The following KCNG3 variants were observed in gnomAD, a reference collection of about 807,000 sequenced individuals.
KCNG3 encodes the protein voltage-gated potassium channel regulatory subunit KCNG3.
A neutral mutation model predicts 29.0 loss-of-function variants in KCNG3; 15 were observed. That is an observed-to-expected ratio of 0.52 (90% confidence interval 0.35 to 0.80). KCNG3 has a LOEUF of 0.80. KCNG3 is among the 30% of genes least tolerant of loss of function. The pLI is 0.01. For synonymous variants in KCNG3, 322 were observed against 248.9 expected (o/e 1.29, Z -2.76); for missense variants, 512 against 605.7 (o/e 0.85, Z 1.62).
At chr2:42,479,824 A>C (rs1049920064) in intron 1 of KCNG3, among the ~76,000 whole-genome samples, 5 of 152,148 alleles carry the variant, frequency 3.3e-5, no homozygotes, top group South Asian at 2.1e-4. Context: ...CTGCCTGGGC[A>C]ACATGGTGAA....
At chr2:42,479,398 C>T (rs1053921408) in intron 1 of KCNG3, among the ~76,000 whole-genome samples, 1 of 152,150 alleles carries the variant, frequency 6.6e-6, no homozygotes, top group Non-Finnish European at 1.5e-5. Flanking sequence ...AATCCCAACA[C>T]TTTGGGAGGC....
chr2:42,459,361 G>C (rs546836293), intron 1 of KCNG3, among the ~76,000 whole-genome samples: 1 of 152,262 alleles, frequency 6.6e-6, no homozygotes, highest in Admixed American at 6.5e-5. Flanking sequence ...AAATCTCAGA[G>C]TGTGGGCATT....
chr2:42,455,646 GTAGTCCCAGT>G (rs1672858860), intron 1 of KCNG3, among the ~76,000 whole-genome samples: 1 of 152,224 alleles, frequency 6.6e-6, no homozygotes, highest in African/African-American at 2.4e-5. Flanking sequence ...GCATGTGCCT[GTAGTCCCAGT>G]TACTTGGGAG....
intron 1 of KCNG3, among the ~76,000 whole-genome samples, chr2:42,473,980 C>A (rs558443176): frequency 5.3e-4 from 79 of 147,704 alleles, no homozygotes; most frequent in African/African-American, 1.9e-3. Flanking sequence ...GGTGAAACCC[C>A]GTCTCTACTA....
the KCNG3 span, among the ~76,000 whole-genome samples, chr2:42,428,459 G>GTAAA: frequency 1.6e-5 from 2 of 123,692 alleles, no homozygotes; most frequent in East Asian, 2.3e-4. Context: ...CCGGTCTCGG[G>GTAAA]AAAAAAAAAA....
At chr2:42,489,185 G>A (rs535216357) in intron 1 of KCNG3, among the ~76,000 whole-genome samples, 68 of 151,840 alleles carry the variant, frequency 4.5e-4, no homozygotes, top group African/African-American at 1.2e-3. Flanking sequence ...GGGATTACAG[G>A]CGTGAGCCAC....
At chr2:42,451,803 G>A (rs1360059730) in intron 1 of KCNG3, among the ~76,000 whole-genome samples, 2 of 151,814 alleles carry the variant, frequency 1.3e-5, no homozygotes, top group African/African-American at 2.4e-5. Flanking sequence ...GGGAAGCTGA[G>A]GTGGGAGGAT....
chr2:42,458,790 T>C (rs1434948871), intron 1 of KCNG3, among the ~76,000 whole-genome samples: 1 of 91,720 alleles, frequency 1.1e-5, no homozygotes, highest in South Asian at 4.4e-4. Context: ...GGAGACCCCA[T>C]TACTTAAAAA....
At chr2:42,415,590 G>C in the KCNG3 span, 3 of 152,174 alleles carry the variant, frequency 2.0e-5, no homozygotes, top group African/African-American at 7.2e-5. Flanking sequence ...ATAGACTTTT[G>C]TAGTTGTAAG....
intron 1 of KCNG3, among the ~76,000 whole-genome samples, chr2:42,477,386 T>G (rs12999223): frequency 9.7e-6 from 1 of 103,398 alleles, no homozygotes; most frequent in Non-Finnish European, 1.8e-5. Flanking sequence ...CACACATATA[T>G]ATACACACAC....
intron 1 of KCNG3, among the ~76,000 whole-genome samples, chr2:42,488,031 C>A (rs563800173): frequency 6.6e-6 from 1 of 152,040 alleles, no homozygotes; most frequent in Non-Finnish European, 1.5e-5. Context: ...AATGTACTTA[C>A]AAATATATAA....
intron 1 of KCNG3, among the ~76,000 whole-genome samples, chr2:42,465,440 C>T (rs1318600083): frequency 6.6e-6 from 1 of 152,064 alleles, no homozygotes; most frequent in Non-Finnish European, 1.5e-5. Flanking sequence ...TGGTCTTGAA[C>T]TCCTGGGCTC....
At chr2:42,404,141 T>C in the KCNG3 span, among the ~76,000 whole-genome samples, 2 of 152,220 alleles carry the variant, frequency 1.3e-5, no homozygotes, top group African/African-American at 4.8e-5. Flanking sequence ...TTTGAATACC[T>C]AGTCAGTTAA....
chr2:42,466,020 T>C (rs973920770), intron 1 of KCNG3, among the ~76,000 whole-genome samples: 1 of 152,226 alleles, frequency 6.6e-6, no homozygotes, highest in African/African-American at 2.4e-5. Flanking sequence ...TAATGACATT[T>C]CTGTCAACAA....
the KCNG3 span, among the ~76,000 whole-genome samples, chr2:42,400,847 G>A: frequency 1.3e-5 from 2 of 151,780 alleles, no homozygotes; most frequent in African/African-American, 2.4e-5. Context: ...TTTAAAGGAA[G>A]TTGGAAACAA....
chr2:42,409,209 G>A, the KCNG3 span, among the ~76,000 whole-genome samples: 92 of 151,958 alleles, frequency 6.1e-4, no homozygotes, highest in African/African-American at 1.4e-3. Flanking sequence ...TGACTCCAGC[G>A]GGCCCGAGCA....
rs139083551 is a variant in KCNG3 at position 42,467,048 on chromosome 2, C to T, written c.666-22469G>A. 6.5e-3 allele frequency among the ~76,000 whole-genome samples: 989 copies of T among 151,924 alleles called. 9 individuals are homozygous for T. Among genetic ancestry groups the T allele is most frequent in the African/African-American group, 0.023 (942 of 41,424 alleles). On this transcript the variant is annotated intron_variant, in intron 1 of 1. Coordinates refer to ENST00000306078, the MANE Select transcript of KCNG3 (RefSeq NM_133329.6). ...GATTATAGGCAGGAGCCACTGCGCC[C>T]GGCCAAAAACAGATCTTTTATAAAA...
chr2:42,464,820 T>C (rs1291601138), intron 1 of KCNG3, among the ~76,000 whole-genome samples: 3 of 152,182 alleles, frequency 2.0e-5, no homozygotes, highest in African/African-American at 7.2e-5. Context: ...TGCTTATCTC[T>C]AGCAGTGCAC....
chr2:42,406,150 T>C, the KCNG3 span, among the ~76,000 whole-genome samples: 2 of 152,184 alleles, frequency 1.3e-5, no homozygotes, highest in African/African-American at 4.8e-5. Flanking sequence ...ACTTCGCTAG[T>C]GTATTTTACA....
Sources: allele counts gnomAD v4.1 joint callset (sites outside exome capture counted in the v4.1 genomes callset), GRCh38; gene constraint gnomAD v4.1.1; transcripts MANE v1.5; gene names NCBI Gene and HGNC (gene_info 2026-07-23, HGNC 2026-07-21).